AOAH: variants seen among roughly 807,000 people sequenced by gnomAD.
The protein encoded by AOAH is acyloxyacyl hydrolase, also known as acyloxyacyl hydrolase (neutrophil).
Under a neutral mutation model 92.2 loss-of-function variants are expected in AOAH, and 64 were observed. That is an observed-to-expected ratio of 0.69 (90% CI 0.57 to 0.86). The LOEUF is 0.86. Among genes scored for constraint, AOAH ranks in the 40% least tolerant of loss-of-function variants. The pLI is 0.00. For missense variants in AOAH, 656 were observed against 694.6 expected (o/e 0.94, Z 0.62); for synonymous variants, 263 against 254.5 (o/e 1.03, Z -0.32).
chr7:36,580,681 A>G (rs1333743656), intron 12 of AOAH, among the ~76,000 whole-genome samples: 1 of 152,174 alleles, frequency 6.6e-6, no homozygotes, highest in African/African-American at 2.4e-5. Context: ...TGTTGAAACT[A>G]GTTGCCAGCT....
chr7:36,619,836 T>C (rs2116038086), intron 9 of AOAH, among the ~76,000 whole-genome samples: 1 of 152,338 alleles, frequency 6.6e-6, no homozygotes, highest in South Asian at 2.1e-4. Flanking sequence ...AGACAATTTA[T>C]TTAGGTAGGT....
rs1794535436 is a variant in AOAH, at chr7:36,650,891, A to G, written c.390+8275T>C. On this transcript the variant is annotated intron_variant, in intron 4 of 20. Coordinates refer to ENST00000617537, the MANE Select transcript of AOAH (RefSeq NM_001637.4). ...TCAAAGAAATAAAGTGGTGTGAGAG[A>G]GCAGGAAAGGGGACCTTCTTCAGAG... Among the ~76,000 whole-genome samples, 4 of 152,332 alleles carry G rather than the reference A, an allele frequency of 2.6e-5. No individual in the cohort carries two copies. The South Asian group carries it at 6.2e-4, about 24-fold the overall frequency.
chr7:36,570,711 G>A (rs534624015), intron 13 of AOAH, among the ~76,000 whole-genome samples: 54 of 152,212 alleles, frequency 3.5e-4, no homozygotes, highest in African/African-American at 1.1e-3. Context: ...GTGATATCTC[G>A]TCGTGGTTCT....
chr7:36,568,216 T>C (rs1787850943), intron 13 of AOAH, among the ~76,000 whole-genome samples: 1 of 152,186 alleles, frequency 6.6e-6, no homozygotes, highest in Admixed American at 6.5e-5. Context: ...CAGATTTAAG[T>C]TTAAGAGTAA....
intron 12 of AOAH, among the ~76,000 whole-genome samples, chr7:36,588,685 A>C (rs1241321953): frequency 2.0e-5 from 3 of 152,142 alleles, no homozygotes; most frequent in Non-Finnish European, 4.4e-5. Context: ...AGTGTTATAC[A>C]CTGATTTTCA....
Position 36,686,702 on chromosome 7 carries a change from G to T in AOAH, c.220C>A (p.Pro74Thr), listed in dbSNP as rs865942125. ...GTATGACTCGTCCCATATTTACCAG[G>T]CAGGTAGCTGCACAGTCTCTCCATC... ...ASMERLCSYL[P>T]EKLFLKTTCY... is the part of the protein sequence containing the mutation. Residue 74 changes from proline (P) to threonine (T), a missense_variant, in exon 2 of 21, where the codon CCT becomes ACT. Physicochemically the swap from Pro to Thr is conservative, Grantham distance 38. Coordinates refer to ENST00000617537, the MANE Select transcript of AOAH (RefSeq NM_001637.4). The T allele has an allele frequency of 2.0e-6, 3 of 1,525,198 alleles. No individual in the cohort carries two copies. In the African/African-American group the frequency reaches 4.2e-5, roughly 21 times the overall value. 94.5% of individuals were successfully genotyped at this position (1,525,198 alleles called of 1,614,324 possible).
intron 13 of AOAH, among the ~76,000 whole-genome samples, chr7:36,560,810 T>C (rs564477582): frequency 6.6e-6 from 1 of 152,338 alleles, no homozygotes; most frequent in South Asian, 2.1e-4. Context: ...CTTCTTGCTT[T>C]ACTTCTCAAG....
chr7:36,540,458 A>C lies in AOAH; in HGVS notation c.1167T>G (p.Pro389=). 6.2e-7 allele frequency: 1 copy of C among 1,613,780 alleles called. No homozygotes were observed. The highest frequency in any genetic ancestry group is 8.5e-7 in the Non-Finnish European group (1 of 1,179,834). ...GCATGACGTTGGAGTAGAGTTTCTC[A>C]GGAGTGGTCATGGCTGGGACTGGGT... ...KSDPVPAMTT[P]EKLYSNVMQT... is the part of the protein sequence containing the mutation. The change falls in exon 16 of 21, where the codon CCT becomes CCG. Residue 389 remains proline, a synonymous_variant. Coordinates refer to ENST00000617537, the MANE Select transcript of AOAH (RefSeq NM_001637.4).
intron 12 of AOAH, among the ~76,000 whole-genome samples, chr7:36,580,406 T>G (rs1788848691): frequency 1.3e-5 from 2 of 152,206 alleles, no homozygotes; most frequent in Admixed American, 6.5e-5. Context: ...TTAATTTTAA[T>G]GTTCTTGTTT....
chr7:36,722,641 A>C (rs1198881407), intron 1 of AOAH, among the ~76,000 whole-genome samples: 1 of 152,072 alleles, frequency 6.6e-6, no homozygotes, highest in Admixed American at 6.6e-5. Flanking sequence ...CTTAATTAAA[A>C]CAAGACTTTG....
intron 11 of AOAH, among the ~76,000 whole-genome samples, chr7:36,602,636 A>G (rs80101271): frequency 0.13 from 19,877 of 152,188 alleles, 1,619 homozygotes; most frequent in Middle Eastern, 0.18. Context: ...ATGAGCACGA[A>G]GAGGTACACG....
At chr7:36,657,113 T>C (rs1040291154) in intron 4 of AOAH, among the ~76,000 whole-genome samples, 2 of 152,176 alleles carry the variant, frequency 1.3e-5, no homozygotes, top group African/African-American at 4.8e-5. Flanking sequence ...CAATACAATA[T>C]AATTTATTTG....
At chr7:36,639,808 A>C (rs1793774868) in intron 4 of AOAH, among the ~76,000 whole-genome samples, 1 of 152,212 alleles carries the variant, frequency 6.6e-6, no homozygotes, top group South Asian at 2.1e-4. Flanking sequence ...TGACATAGAC[A>C]TCCCTTCCCT....
chr7:36,596,173 C>CCA (rs1554294529), intron 11 of AOAH, among the ~76,000 whole-genome samples: 1,918 of 146,482 alleles, frequency 0.013, 32 homozygotes, highest in African/African-American at 0.04. Flanking sequence ...GCCCCCCCAC[C>CCA]CCCCGTCACC....
At chr7:36,532,515 G>A (rs767870697) in intron 16 of AOAH, among the ~76,000 whole-genome samples, 171 bp from the exon 17 acceptor site, 3 of 152,130 alleles carry the variant, frequency 2.0e-5, no homozygotes, top group Admixed American at 6.5e-5. Flanking sequence ...TCCTTTCTGA[G>A]CCTCTAGAAA....
intron 13 of AOAH, among the ~76,000 whole-genome samples, chr7:36,554,299 T>A (rs910508936): frequency 1.3e-5 from 2 of 152,220 alleles, no homozygotes; most frequent in Non-Finnish European, 2.9e-5. Context: ...GTTGTAGATA[T>A]GCGGTGTTAT....
chr7:36,540,313 T>C lies in AOAH; in HGVS notation c.1306+6A>G. On this transcript the variant is annotated splice_donor_region_variant and intron_variant, in intron 16 of 20. Transcript: ENST00000617537. ...TTAAAGAGTAAAAGAATCTTCAAAC[T>C]GATACCGAGAGGATGATATCTGTTG... 1 of 1,606,396 alleles carries C rather than the reference T, an allele frequency of 6.2e-7. No individual in the cohort carries two copies. Among genetic ancestry groups the C allele is most frequent in the Non-Finnish European group, 8.5e-7 (1 of 1,175,542 alleles).
At chr7:36,564,758 T>A (rs1309974005) in intron 13 of AOAH, among the ~76,000 whole-genome samples, 2 of 152,218 alleles carry the variant, frequency 1.3e-5, no homozygotes, top group Non-Finnish European at 1.5e-5. Context: ...CAGTGCAGGA[T>A]AAAAATCTTG....
At position 36,513,398 on chromosome 7, in the gene AOAH, A is replaced by G. The variant is rs754370888; in HGVS notation, c.1600-18T>C. 6.2e-7 allele frequency: 1 copy of G among 1,609,436 alleles called. No homozygotes were observed. The highest frequency in any genetic ancestry group is 1.7e-5 in the Admixed American group (1 of 59,392). On this transcript the variant is annotated intron_variant, in intron 20 of 20. Transcript: ENST00000617537. Reference sequence around the variant, plus strand: ...AAAGCCACCTGTGAGAGAGAACCCAAAGGACGAGGAAAAGGGAAATTAGGA... The same window carrying G: ...AAAGCCACCTGTGAGAGAGAACCCAGAGGACGAGGAAAAGGGAAATTAGGA...
Sources: gnomAD v4.1 joint callset for allele counts (sites outside exome capture counted in the v4.1 genomes callset) on GRCh38, gnomAD v4.1.1 for gene constraint, MANE v1.5 for transcripts, NCBI Gene and HGNC (gene_info 2026-07-23, HGNC 2026-07-21) for gene names.